GLI2: variants seen among roughly 807,000 people sequenced by gnomAD.
GLI2 encodes transcription activator GLI2.
Under a neutral mutation model 78.9 loss-of-function variants are expected in GLI2, and 22 were observed. That is an observed-to-expected ratio of 0.28 (90% confidence interval 0.20 to 0.40). GLI2 has a LOEUF of 0.40. GLI2 is among the 10% of genes least tolerant of loss of function. The pLI is 1.00. For missense variants in GLI2, 2,097 were observed against 2,213.2 expected, an observed-to-expected ratio of 0.95 and a Z score of 1.05; for synonymous variants, 974 against 963.7, an observed-to-expected ratio of 1.01 and a Z score of -0.20.
At chr2:120,761,845 G>A (rs1467559343) in intron 1 of GLI2, among the ~76,000 whole-genome samples, 1 of 152,206 alleles carries the variant, frequency 6.6e-6, no homozygotes, top group Non-Finnish European at 1.5e-5. Flanking sequence ...GGCAGGGACA[G>A]GGGCTCTGGG....
chr2:120,984,444 A>G (rs1458130612), intron 11 of GLI2, 27 bp from the exon 12 acceptor site: 2 of 1,613,526 alleles, frequency 1.2e-6, no homozygotes, highest in African/African-American at 1.3e-5. Flanking sequence ...ACCCCTATCC[A>G]TGACACAGGC....
intron 2 of GLI2, among the ~76,000 whole-genome samples, chr2:120,921,310 G>A (rs1679368812): frequency 6.6e-6 from 1 of 152,080 alleles, no homozygotes; most frequent in Non-Finnish European, 1.5e-5. Flanking sequence ...GGGCTCAGAG[G>A]ATTGGGGCTG....
intron 1 of GLI2, among the ~76,000 whole-genome samples, chr2:120,779,770 C>T (rs751700369): frequency 4.6e-5 from 7 of 152,220 alleles, no homozygotes; most frequent in South Asian, 2.1e-4. Flanking sequence ...GACACTAGGG[C>T]GGCCTGACCC....
intron 2 of GLI2, among the ~76,000 whole-genome samples, chr2:120,878,543 AAG>A (rs1688875695): frequency 1.3e-5 from 2 of 152,242 alleles, no homozygotes; most frequent in Admixed American, 1.3e-4. Context: ...AAAGGAAAAA[AAG>A]GATACAGAAT....
intron 9 of GLI2, among the ~76,000 whole-genome samples, chr2:120,978,097 A>C (rs1682543921): frequency 6.6e-6 from 1 of 152,156 alleles, no homozygotes; most frequent in Non-Finnish European, 1.5e-5. Context: ...GGCTTTGCCC[A>C]ATATAGACGG....
At chr2:120,940,116 G>T (rs1225898202) in intron 3 of GLI2, among the ~76,000 whole-genome samples, 1 of 152,140 alleles carries the variant, frequency 6.6e-6, no homozygotes, top group African/African-American at 2.4e-5. Flanking sequence ...TTTCTATGAG[G>T]TCGTCTTTTT....
At chr2:120,939,453 CAG>C (rs1481270051) in intron 3 of GLI2, among the ~76,000 whole-genome samples, 1 of 152,190 alleles carries the variant, frequency 6.6e-6, no homozygotes, top group African/African-American at 2.4e-5. Flanking sequence ...CTTTGGGATT[CAG>C]AGTTTATCAC....
intron 4 of GLI2, among the ~76,000 whole-genome samples, chr2:120,954,700 G>A (rs1209293374): frequency 6.6e-6 from 1 of 152,100 alleles, no homozygotes; most frequent in African/African-American, 2.4e-5. Context: ...CCTAAGACCT[G>A]GGCAGGGCTG....
intron 2 of GLI2, among the ~76,000 whole-genome samples, chr2:120,911,458 C>T (rs570210915): frequency 0.042 from 6,405 of 152,226 alleles, 450 homozygotes; most frequent in African/African-American, 0.14. Context: ...TGGCTGACTC[C>T]TAGAAACTGC....
chr2:120,936,697 G>T (rs1680215934), intron 3 of GLI2, among the ~76,000 whole-genome samples: 1 of 152,178 alleles, frequency 6.6e-6, no homozygotes, highest in Non-Finnish European at 1.5e-5. Flanking sequence ...AGGCATTGGT[G>T]GGGTGGATTG....
chr2:120,791,737 A>G (rs1439030248), intron 1 of GLI2, among the ~76,000 whole-genome samples: 1 of 151,878 alleles, frequency 6.6e-6, no homozygotes, highest in Non-Finnish European at 1.5e-5. Flanking sequence ...GTGGCTGCAT[A>G]TGTGCTGTGA....
In GLI2 at chr2:120,968,803, C is replaced by T. The variant is rs372967229; in HGVS notation, c.733C>T (p.Leu245=). The T allele has an allele frequency of 8.7e-6, 14 of 1,613,620 alleles. No individual in the cohort carries two copies. The South Asian group carries it at 1.4e-4, about 16-fold the overall frequency. ...CCCACTCTCAGACGCCAGCCTGGAC[C>T]TGCAGCGGATGATCCGCACCTCACC... ...ISPLSDASLD[L]QRMIRTSPNS... Residue 245 remains leucine (L), a synonymous_variant, in exon 6 of 14, where the codon CTG becomes TTG. Coordinates refer to ENST00000361492, the MANE Select transcript of GLI2 (RefSeq NM_001374353.1).
At chr2:120,845,256 G>A (rs1687059744) in intron 2 of GLI2, among the ~76,000 whole-genome samples, 1 of 152,164 alleles carries the variant, frequency 6.6e-6, no homozygotes, top group Admixed American at 6.5e-5. Flanking sequence ...CTGGGTGACA[G>A]AGTAAGACTC....
chr2:120,981,356 A>G (rs1682711248), intron 10 of GLI2, among the ~76,000 whole-genome samples: 1 of 152,208 alleles, frequency 6.6e-6, no homozygotes, highest in Non-Finnish European at 1.5e-5. Flanking sequence ...CTGAACTGCC[A>G]GTTATATTGC....
At chr2:120,795,194 C>T (rs1050847280) in intron 1 of GLI2, among the ~76,000 whole-genome samples, 1 of 152,132 alleles carries the variant, frequency 6.6e-6, no homozygotes, top group Admixed American at 6.5e-5. Flanking sequence ...TGCACTCCAG[C>T]CTGGGTGACA....
chr2:120,842,764 G>T (rs2104584426), intron 2 of GLI2, among the ~76,000 whole-genome samples: 1 of 152,336 alleles, frequency 6.6e-6, no homozygotes, highest in East Asian at 1.9e-4. Flanking sequence ...TGTAGTTTCT[G>T]AATGAGTGAA....
chr2:120,818,230 CA>C (rs1159347105), intron 2 of GLI2, among the ~76,000 whole-genome samples: 1 of 152,180 alleles, frequency 6.6e-6, no homozygotes, highest in East Asian at 1.9e-4. Flanking sequence ...GCCTGCAGGG[CA>C]GGGGTGTGGA....
chr2:120,987,022 A>G (rs950756439), intron 13 of GLI2, among the ~76,000 whole-genome samples: 21 of 152,196 alleles, frequency 1.4e-4, no homozygotes, highest in Admixed American at 2.6e-4. Context: ...CCAGATTCAC[A>G]CTCTACTGCA....
intron 5 of GLI2, among the ~76,000 whole-genome samples, chr2:120,957,373 C>G (rs574545494): frequency 3.3e-5 from 5 of 152,360 alleles, no homozygotes; most frequent in African/African-American, 1.2e-4. Context: ...CTCTGTTCCC[C>G]TCTCCTCTCA....
Sources: allele counts gnomAD v4.1 joint callset (sites outside exome capture counted in the v4.1 genomes callset), GRCh38; gene constraint gnomAD v4.1.1; transcripts MANE v1.5; gene names NCBI Gene and HGNC (gene_info 2026-07-23, HGNC 2026-07-21).